Variants in ELF2 observed in about 807,000 individuals in gnomAD.
The protein encoded by ELF2 is E74 like ETS transcription factor 2.
A neutral mutation model predicts 54.8 loss-of-function variants in ELF2; 11 were observed. The observed-to-expected ratio is 0.20, with a 90% CI of 0.13 to 0.33. The LOEUF (loss-of-function observed/expected upper bound fraction) is 0.33. ELF2 is among the 10% of genes least tolerant of loss of function. ELF2 has a pLI of 1.00. For synonymous variants in ELF2, 203 were observed against 245.1 expected (o/e 0.83, Z 1.61); for missense variants, 513 against 703.0 (o/e 0.73, Z 3.06).
chr4:139,107,770 G>A (rs1243469642), intron 4 of ELF2, among the ~76,000 whole-genome samples: 6 of 152,134 alleles, frequency 3.9e-5, no homozygotes, highest in African/African-American at 1.4e-4. Context: ...AAGGTAATAT[G>A]ATACACATAC....
At chr4:139,067,477 T>C (rs2148679742) in intron 7 of ELF2, 1 of 518,000 alleles carries the variant, frequency 1.9e-6, no homozygotes, top group Non-Finnish European at 3.5e-6. Context: ...ACAACTATGG[T>C]TACAGAATCT....
intron 1 of ELF2, among the ~76,000 whole-genome samples, chr4:139,144,421 T>C (rs1739020142): frequency 6.6e-6 from 1 of 152,170 alleles, no homozygotes; most frequent in African/African-American, 2.4e-5. Flanking sequence ...GCCAACCAAC[T>C]GAGGCAGTGG....
At chr4:139,126,855 AAAG>A (rs1308798202) in intron 3 of ELF2, among the ~76,000 whole-genome samples, 1 of 152,218 alleles carries the variant, frequency 6.6e-6, no homozygotes, top group African/African-American at 2.4e-5. Context: ...ATTTTTTAAA[AAAG>A]AGAACTATTG....
At chr4:139,151,828 C>G (rs1740031772) in intron 1 of ELF2, among the ~76,000 whole-genome samples, 2 of 152,114 alleles carry the variant, frequency 1.3e-5, no homozygotes, top group Non-Finnish European at 2.9e-5. Flanking sequence ...ATTTACTAAC[C>G]CTTTGACAAA....
At chr4:139,130,719 A>G (rs1737406133) in intron 3 of ELF2, among the ~76,000 whole-genome samples, 3 of 152,230 alleles carry the variant, frequency 2.0e-5, no homozygotes, top group African/African-American at 7.2e-5. Context: ...CAATTTTTAT[A>G]TCCTCCTTAA....
chr4:139,162,284 C>T (rs1031496793), intron 1 of ELF2, among the ~76,000 whole-genome samples: 1 of 151,638 alleles, frequency 6.6e-6, no homozygotes, highest in South Asian at 2.1e-4. Context: ...TTTGGGAGGC[C>T]GAGGAGGGCA....
At chr4:139,136,909 CCCACCTGGG>C (rs1212447609) in intron 3 of ELF2, 1 of 152,256 alleles carries the variant, frequency 6.6e-6, no homozygotes, top group Admixed American at 6.5e-5. Context: ...TGGTGATCCG[CCCACCTGGG>C]CCTCCCAAAG....
At chr4:139,121,164 A>T (rs535174944) in intron 4 of ELF2, among the ~76,000 whole-genome samples, 1 of 119,788 alleles carries the variant, frequency 8.3e-6, no homozygotes, top group East Asian at 2.5e-4. Context: ...GCTGGAGTGC[A>T]GTGGCGCGAT....
Position 139,060,403 on chromosome 4 carries a change from T to G in ELF2, c.1078A>C (p.Asn360His). The change falls in exon 9 of 10, where the codon AAT becomes CAT. Residue 360 changes from asparagine (N) to histidine (H), a missense_variant. Physicochemically the swap from Asn to His is moderately conservative, Grantham distance 68 (BLOSUM62 1). This residue lies in a region of ELF2 where 291 missense variants were observed against 366.1 expected (regional missense o/e 0.79). Transcript: ENST00000686138. ...GCATCGTGCCCAGGGGAAGTGATATTCACAACTCTAGCTACACCCTTCTCT... is the reference window on the plus strand; with the variant it reads ...GCATCGTGCCCAGGGGAAGTGATATGCACAACTCTAGCTACACCCTTCTCT... ...RAEKGVARVV[N>H]ITSPGHDASS... The G allele has an allele frequency of 6.2e-7, 1 of 1,614,188 alleles. No homozygotes were observed.
chr4:139,115,418 G>C, intron 4 of ELF2: 4 of 992,570 alleles, frequency 4.0e-6, no homozygotes, highest in Non-Finnish European at 4.8e-6. Flanking sequence ...CCCTCCCTGC[G>C]CCACCGCCTC....
chr4:139,139,890 A>C (rs962820120), intron 1 of ELF2, among the ~76,000 whole-genome samples: 7 of 152,122 alleles, frequency 4.6e-5, no homozygotes, highest in Non-Finnish European at 8.8e-5. Context: ...AGTTTGAAAA[A>C]TAGGACTAGC....
intron 4 of ELF2, among the ~76,000 whole-genome samples, chr4:139,075,911 AT>A (rs1012418633): frequency 3.3e-5 from 5 of 152,106 alleles, no homozygotes; most frequent in South Asian, 2.1e-4. Flanking sequence ...AACTTGACAG[AT>A]TTTTTTTAAG....
At chr4:139,155,552 C>G (rs887139342) in intron 1 of ELF2, 1 of 152,042 alleles carries the variant, frequency 6.6e-6, no homozygotes, top group South Asian at 2.1e-4. Context: ...CGAGACTAAC[C>G]TGGACAACAT....
At chr4:139,112,668 C>T (rs7660579) in intron 4 of ELF2, among the ~76,000 whole-genome samples, 152,310 of 152,364 alleles carry the variant, frequency 1, 76,128 homozygotes, top group Non-Finnish European at 1. Flanking sequence ...ATTAATAAAA[C>T]TGTATTATTT....
At position 139,084,258 on chromosome 4, in the gene ELF2, A is replaced by C. The variant is rs1731650232; in HGVS notation, c.239-10691T>G. The C allele has an allele frequency of 2.2e-5, 35 of 1,606,822 alleles. No individual in the cohort carries two copies. In the Admixed American group the frequency reaches 3.0e-4, roughly 14 times the overall value. On this transcript the variant is annotated intron_variant, in intron 4 of 9. Transcript: ENST00000686138. The stretch of plus-strand genomic sequence containing the variant: ...CCGTGAGCAGCGGCGGCAGGGGAGG[A>C]GGCGGAACCCGCGGCCGGAGACACA...
chr4:139,158,145 C>T (rs1194576721), intron 1 of ELF2, among the ~76,000 whole-genome samples: 1 of 151,760 alleles, frequency 6.6e-6, no homozygotes, highest in Non-Finnish European at 1.5e-5. Context: ...CAGTCAAAGG[C>T]GGTAGTTCTC....
chr4:139,112,603 T>C (rs1276818550), intron 4 of ELF2, among the ~76,000 whole-genome samples: 1 of 152,254 alleles, frequency 6.6e-6, no homozygotes, highest in Non-Finnish European at 1.5e-5. Flanking sequence ...GTAACCTTGT[T>C]TGCTACTCAT....
At chr4:139,115,835 T>TTTTTG (rs937223653) in intron 4 of ELF2, among the ~76,000 whole-genome samples, 20 of 152,116 alleles carry the variant, frequency 1.3e-4, no homozygotes, top group African/African-American at 2.4e-4. Context: ...TTTGTTGTTG[T>TTTTTG]TTTTGTTTTG....
At chr4:139,088,286 A>T (rs1243749275) in intron 4 of ELF2, among the ~76,000 whole-genome samples, 3 of 5,944 alleles carry the variant, frequency 5.0e-4, no homozygotes, top group Admixed American at 4.6e-3. Flanking sequence ...ACTCTGTCTA[A>T]AAAAAAAAAA....
Sources: gnomAD v4.1 joint callset for allele counts (sites outside exome capture counted in the v4.1 genomes callset) on GRCh38, gnomAD v4.1.1 for gene constraint, gnomAD v4.1.1 regional missense constraint, MANE v1.5 for transcripts, NCBI Gene and HGNC (gene_info 2026-07-23, HGNC 2026-07-21) for gene names.